Variants in IDUA observed in about 807,000 individuals in gnomAD.
IDUA encodes alpha-L-iduronidase.
IDUA carries 65 observed loss-of-function variants against 68.9 expected under a neutral mutation model. That is an observed-to-expected ratio of 0.94 (90% CI 0.77 to 1.16). IDUA has a LOEUF of 1.16. IDUA is among the 50% of genes most tolerant of loss of function. IDUA has a pLI of 0.00. For synonymous variants in IDUA, 529 were observed against 433.6 expected (o/e 1.22, Z -2.73); for missense variants, 1,046 against 938.0 (o/e 1.12, Z -1.50).
intron 2 of IDUA, chr4:991,004 G>A: frequency 1.0e-6 from 1 of 997,882 alleles, no homozygotes; most frequent in South Asian, 1.8e-5. Flanking sequence ...CCCAAGCCTT[G>A]CTGTCTTGGG....
At position 1,001,898 on chromosome 4, in the gene IDUA, C is replaced by A. The variant is rs1422316352; in HGVS notation, c.792+17C>A. 8.9e-6 allele frequency: 14 copies of A among 1,571,048 alleles called. No homozygotes were observed. The highest frequency in any genetic ancestry group is 1.2e-5 in the Non-Finnish European group (14 of 1,160,002). On this transcript the variant is annotated intron_variant, in intron 6 of 13. Coordinates refer to ENST00000514224, the MANE Select transcript of IDUA (RefSeq NM_000203.5). ...CACAGGAAGGTGCGCCCTGCCCCTCCGTCCGCCCCGGTGTTCTGCGCCCTC... is the reference window on the plus strand; with the variant it reads ...CACAGGAAGGTGCGCCCTGCCCCTCAGTCCGCCCCGGTGTTCTGCGCCCTC...
At chr4:1,001,592 G>A (rs774008647) in intron 5 of IDUA, 29 bp downstream of exon 5, 5 of 1,610,176 alleles carry the variant, frequency 3.1e-6, no homozygotes, top group East Asian at 4.5e-5. Flanking sequence ...GGTCCTGCCC[G>A]GCTGAAAGGG....
In IDUA at chr4:1,004,144, C is replaced by T; in HGVS notation, c.1828+32C>T. The T allele has an allele frequency of 6.2e-7, 1 of 1,611,262 alleles. No individual in the cohort carries two copies. The highest frequency in any genetic ancestry group is 8.5e-7 in the Non-Finnish European group (1 of 1,178,508). On this transcript the variant is annotated intron_variant, in intron 13 of 13. Transcript: ENST00000514224. This position sits in a 1 kb window ranked among gnomAD's most constrained non-coding sequence, Gnocchi z 5.0. ...CCACCACCCGCTGCCCTGGACTCGGCCACCCCATTCTTGGGCCTCAGGGCA... is the reference window on the plus strand; with the variant it reads ...CCACCACCCGCTGCCCTGGACTCGGTCACCCCATTCTTGGGCCTCAGGGCA...
At chr4:994,270 C>G (rs1714589924) in intron 2 of IDUA, among the ~76,000 whole-genome samples, 2 of 151,070 alleles carry the variant, frequency 1.3e-5, no homozygotes, top group Admixed American at 6.6e-5. Context: ...TGAGACGCCC[C>G]CCACCTTTTC....
chr4:1,003,516 C>T (rs376482476), intron 11 of IDUA, 33 bp from the exon 12 acceptor site: 1 of 1,605,986 alleles, frequency 6.2e-7, no homozygotes, highest in Non-Finnish European at 8.5e-7. Context: ...GACTCCCCTT[C>T]CCCGACGCCA....
At chr4:989,967 G>A (rs2153017031) in intron 2 of IDUA, 6 of 1,556,830 alleles carry the variant, frequency 3.9e-6, no homozygotes, top group East Asian at 2.4e-5. Flanking sequence ...TGAAACCCGT[G>A]GGGATGTCGC....
intron 2 of IDUA, chr4:991,978 G>A (rs1176199438): frequency 1.4e-6 from 1 of 727,062 alleles, no homozygotes; most frequent in Admixed American, 2.0e-5. Flanking sequence ...ATGCCATGGG[G>A]TGTGCTGAGG....
At chr4:1,003,492 C>G in intron 11 of IDUA, 22 bp downstream of exon 11, 1 of 1,591,786 alleles carries the variant, frequency 6.3e-7, no homozygotes, top group Non-Finnish European at 8.5e-7. Context: ...TCCCCTAACC[C>G]GCGCCGCGGC....
intron 4 of IDUA, chr4:1,001,203 C>G: frequency 1.6e-6 from 1 of 614,680 alleles, no homozygotes; most frequent in Non-Finnish European, 2.9e-6. Flanking sequence ...GGTGGGTGGG[C>G]GAAGGCCCTG....
chr4:1,004,056 C>T lies in IDUA; in HGVS notation c.1772C>T (p.Ala591Val), dbSNP rs138826105. 2.9e-5 allele frequency: 46 copies of T among 1,612,272 alleles called. No individual in the cohort carries two copies. The African/African-American group carries it at 3.4e-4, about 12-fold the overall frequency. Residue 591 changes from alanine (A) to valine (V), a missense_variant, in exon 13 of 14, where the codon GCG (alanine) becomes GTG (valine). Transcript: ENST00000514224. The surrounding 1 kb of genome is among the most constrained non-coding windows in gnomAD (Gnocchi z 5.0). ...ATCCAGTTCTCTCAGGACGGTAAGG[C>T]GTACACCCCGGTCAGCAGGAAGCCA... ...YEIQFSQDGK[A>V]YTPVSRKPST...
intron 5 of IDUA, 52 bp downstream of exon 5, chr4:1,001,615 C>T (rs751587454): frequency 1.8e-5 from 29 of 1,608,514 alleles, no homozygotes; most frequent in Non-Finnish European, 2.5e-5. Flanking sequence ...CAGAGGAAGG[C>T]AGGAGCAGAG....
rs200656880 is a variant in IDUA at position 989,349 on chromosome 4, G to A, written c.299+1400G>A. ...CCCGCACGCCGGGCTCAGGGACGAG[G>A]CCCTCGAACTCTGTGGCATCCTCGT... is the stretch of plus-strand genomic sequence containing the variant. On this transcript the variant is annotated intron_variant, in intron 2 of 13. Transcript: ENST00000514224. 2.5e-6 allele frequency: 4 copies of A among 1,599,112 alleles called. No individual in the cohort carries two copies. The highest frequency in any genetic ancestry group is 3.4e-5 in the Admixed American group (2 of 58,120).
rs761396518 is a variant in IDUA, at chr4:1,001,456, G to T, written c.494-12G>T. Reference sequence around the variant, plus strand: ...TCACCTGTGCTGGGGGGACAGCAAGGCTCCTCTGCAGGTAGGTACGGACTG... The same window carrying T: ...TCACCTGTGCTGGGGGGACAGCAAGTCTCCTCTGCAGGTAGGTACGGACTG... On this transcript the variant is annotated splice_polypyrimidine_tract_variant and intron_variant, in intron 4 of 13. Coordinates refer to ENST00000514224, the MANE Select transcript of IDUA (RefSeq NM_000203.5). 6.2e-7 allele frequency: 1 copy of T among 1,611,242 alleles called. No homozygotes were observed. The highest frequency in any genetic ancestry group is 8.5e-7 in the Non-Finnish European group (1 of 1,178,300).
At chr4:995,688 A>G (rs1714704888) in intron 2 of IDUA, among the ~76,000 whole-genome samples, 1 of 152,224 alleles carries the variant, frequency 6.6e-6, no homozygotes, top group South Asian at 2.1e-4. Flanking sequence ...CAAGACGAGG[A>G]CACTGACATT....
At position 1,001,613 on chromosome 4, in the gene IDUA, G is replaced by A. The variant is rs370694109; in HGVS notation, c.589+50G>A. ...GCCCGGCTGAAAGGGGGCAGAGGAA[G>A]GCAGGAGCAGAGGCTAAGCCGCTCA... On this transcript the variant is annotated intron_variant, in intron 5 of 13. Coordinates refer to ENST00000514224, the MANE Select transcript of IDUA (RefSeq NM_000203.5). 34 of 1,609,350 alleles carry A rather than the reference G, an allele frequency of 2.1e-5. No homozygotes were observed. In the African/African-American group the frequency reaches 4.3e-4, roughly 20 times the overall value.
intron 2 of IDUA, among the ~76,000 whole-genome samples, chr4:997,259 C>A (rs1714792249): frequency 6.6e-6 from 1 of 152,066 alleles, no homozygotes; most frequent in East Asian, 1.9e-4. Flanking sequence ...GCCACAGATG[C>A]AGGTTCTCCC....
intron 2 of IDUA, among the ~76,000 whole-genome samples, chr4:994,765 T>C (rs891275182): frequency 2.0e-5 from 3 of 151,684 alleles, no homozygotes; most frequent in African/African-American, 7.3e-5. Context: ...TTTAAAAAAT[T>C]AAAAGTAAAA....
intron 2 of IDUA, chr4:988,488 G>A (rs1452435363): frequency 3.5e-6 from 4 of 1,129,384 alleles, no homozygotes; most frequent in Non-Finnish European, 2.2e-6. Context: ...GCACCTTGGA[G>A]GCTGCATGAT....
chr4:1,004,393 A>G lies in IDUA; in HGVS notation c.1962A>G (p.Ter654TrpextTer?), dbSNP rs199794428. Reference protein sequence around the residue: ...PRGPPSPGNP* With the variant: ...PRGPPSPGNPW ...GGCCCCCATCCCCGGGCAATCCATG[A>G]GCCTGTGCTGAGCCCCAGTGGGTTG... Residue 654 changes from the stop codon to tryptophan, a stop_lost, in exon 14 of 14, where the codon TGA becomes TGG. Coordinates refer to ENST00000514224, the MANE Select transcript of IDUA (RefSeq NM_000203.5). This position sits in a 1 kb window ranked among gnomAD's most constrained non-coding sequence, Gnocchi z 5.0. 1 of 1,610,110 alleles carries G rather than the reference A, an allele frequency of 6.2e-7. No homozygotes were observed. Among genetic ancestry groups the G allele is most frequent in the African/African-American group, 1.3e-5 (1 of 74,988 alleles).
Sources: allele counts gnomAD v4.1 joint callset (sites outside exome capture counted in the v4.1 genomes callset), GRCh38; gene constraint gnomAD v4.1.1; non-coding constraint Gnocchi (gnomAD v3.1); transcripts MANE v1.5; gene names NCBI Gene and HGNC (gene_info 2026-07-23, HGNC 2026-07-21).